Variants in STXBP6 observed in about 807,000 individuals in gnomAD.
STXBP6 encodes the protein syntaxin-binding protein 6.
Under a neutral mutation model 26.9 loss-of-function variants are expected in STXBP6, and 21 were observed. The observed-to-expected ratio is 0.78, with a 90% confidence interval of 0.55 to 1.12. STXBP6 has a LOEUF of 1.12. Among genes scored for constraint, STXBP6 ranks in the 50% most tolerant of loss-of-function variants. STXBP6 has a pLI of 0.00. For synonymous variants in STXBP6, 97 were observed against 92.6 expected (o/e 1.05, Z -0.27); for missense variants, 232 against 257.9 (o/e 0.90, Z 0.69).
intron 2 of STXBP6, among the ~76,000 whole-genome samples, chr14:24,877,104 A>C (rs2070172016): frequency 6.6e-6 from 1 of 152,204 alleles, no homozygotes; most frequent in Admixed American, 6.5e-5. Flanking sequence ...AGCTTTATTA[A>C]TATAGCGTGG....
At chr14:24,945,393 T>A in intron 2 of STXBP6, among the ~76,000 whole-genome samples, 1 of 151,768 alleles carries the variant, frequency 6.6e-6, no homozygotes, top group East Asian at 1.9e-4. Context: ...TAGCAAGACA[T>A]GTCTTTATAA....
At chr14:24,873,623 C>G (rs2070023192) in intron 2 of STXBP6, among the ~76,000 whole-genome samples, 1 of 152,160 alleles carries the variant, frequency 6.6e-6, no homozygotes, top group Non-Finnish European at 1.5e-5. Flanking sequence ...ATTGTGGTGT[C>G]CCCATAGAAG....
intron 1 of STXBP6, among the ~76,000 whole-genome samples, chr14:25,014,836 A>T (rs2075111475): frequency 1.3e-5 from 2 of 152,282 alleles, no homozygotes; most frequent in Non-Finnish European, 2.9e-5. Flanking sequence ...AAGAAAATAC[A>T]TGAAAACAGT....
At chr14:24,956,288 G>A (rs556724587) in intron 2 of STXBP6, among the ~76,000 whole-genome samples, 12 of 152,124 alleles carry the variant, frequency 7.9e-5, no homozygotes, top group Admixed American at 5.2e-4. Context: ...CACACCCACC[G>A]CAGAGGGCTT....
At chr14:24,970,032 G>A (rs962807093) in intron 2 of STXBP6, among the ~76,000 whole-genome samples, 9 of 152,052 alleles carry the variant, frequency 5.9e-5, no homozygotes, top group Non-Finnish European at 8.8e-5. Flanking sequence ...GCCTGAGGTC[G>A]GGAACTCGAG....
At chr14:24,995,960 T>G (rs955421650) in intron 1 of STXBP6, among the ~76,000 whole-genome samples, 24 of 152,086 alleles carry the variant, frequency 1.6e-4, no homozygotes, top group African/African-American at 5.8e-4. Flanking sequence ...AGAACTCAAA[T>G]GGAAAGAAAA....
At chr14:24,847,122 A>G (rs1039007739) in intron 4 of STXBP6, among the ~76,000 whole-genome samples, 10 of 152,188 alleles carry the variant, frequency 6.6e-5, no homozygotes, top group Non-Finnish European at 1.3e-4. Flanking sequence ...AAATTACTAA[A>G]TGACAAAGAA....
chr14:25,035,449 A>T (rs184183897), intron 1 of STXBP6, among the ~76,000 whole-genome samples: 5 of 152,346 alleles, frequency 3.3e-5, no homozygotes, highest in Admixed American at 3.3e-4. Context: ...TTTGGCAGGA[A>T]GTCAATAAGT....
At chr14:24,872,576 T>G (rs1189719245) in intron 2 of STXBP6, among the ~76,000 whole-genome samples, 1 of 152,122 alleles carries the variant, frequency 6.6e-6, no homozygotes, top group African/African-American at 2.4e-5. Flanking sequence ...AAAGGCCACT[T>G]TAGGGTTTGA....
chr14:24,993,551 C>A (rs183484897), intron 1 of STXBP6, among the ~76,000 whole-genome samples: 25 of 152,344 alleles, frequency 1.6e-4, no homozygotes, highest in African/African-American at 5.3e-4. Context: ...CCACTTCCCA[C>A]AGTACATAGG....
intron 1 of STXBP6, among the ~76,000 whole-genome samples, chr14:24,985,581 T>G (rs1386891682): frequency 6.6e-6 from 1 of 152,214 alleles, no homozygotes; most frequent in African/African-American, 2.4e-5. Context: ...GCCTTCTATC[T>G]TTTGCTGACA....
At chr14:24,933,309 T>G (rs1294692927) in intron 2 of STXBP6, among the ~76,000 whole-genome samples, 1 of 152,162 alleles carries the variant, frequency 6.6e-6, no homozygotes, top group African/African-American at 2.4e-5. Flanking sequence ...GCCACTGCAC[T>G]CCAGCCTGAG....
chr14:24,825,342 T>G (rs529791121), intron 4 of STXBP6, among the ~76,000 whole-genome samples: 1 of 152,304 alleles, frequency 6.6e-6, no homozygotes, highest in South Asian at 2.1e-4. Flanking sequence ...AAGGCTTGCT[T>G]TATAGAGGCT....
At chr14:24,851,975 T>C (rs1412639286) in intron 4 of STXBP6, among the ~76,000 whole-genome samples, 4 of 152,176 alleles carry the variant, frequency 2.6e-5, no homozygotes, top group African/African-American at 7.2e-5. Context: ...GAGAGAGATA[T>C]GGCTGTGATC....
chr14:24,963,867 C>T (rs928625615), intron 2 of STXBP6, among the ~76,000 whole-genome samples: 1 of 148,162 alleles, frequency 6.7e-6, no homozygotes, highest in South Asian at 2.2e-4. Context: ...GTAATTGGTC[C>T]AATAGGTAGA....
intron 1 of STXBP6, among the ~76,000 whole-genome samples, chr14:24,992,934 T>C (rs1327372365): frequency 6.6e-6 from 1 of 152,220 alleles, no homozygotes; most frequent in African/African-American, 2.4e-5. Flanking sequence ...TCTTCCCTAG[T>C]TCTGGGACTC....
At chr14:25,039,949 T>C (rs1595361772) in intron 1 of STXBP6, among the ~76,000 whole-genome samples, 1 of 152,124 alleles carries the variant, frequency 6.6e-6, no homozygotes, top group South Asian at 2.1e-4. Context: ...CCTCAAGTGA[T>C]CCGCCTGCCT....
At chr14:24,995,372 C>G (rs1039082411) in intron 1 of STXBP6, among the ~76,000 whole-genome samples, 1 of 152,110 alleles carries the variant, frequency 6.6e-6, no homozygotes, top group Non-Finnish European at 1.5e-5. Flanking sequence ...ACCACAGCAG[C>G]AGGAACTATG....
At chr14:24,928,441 A>G (rs2072261748) in intron 2 of STXBP6, among the ~76,000 whole-genome samples, 1 of 151,872 alleles carries the variant, frequency 6.6e-6, no homozygotes, top group Admixed American at 6.6e-5. Context: ...CCATATGCTA[A>G]GCTGCTCATT....
Sources: gnomAD v4.1 joint callset for allele counts (sites outside exome capture counted in the v4.1 genomes callset) on GRCh38, gnomAD v4.1.1 for gene constraint, MANE v1.5 for transcripts, NCBI Gene and HGNC (gene_info 2026-07-23, HGNC 2026-07-21) for gene names.